The following RAD51B variants were observed in gnomAD, a reference collection of about 807,000 sequenced individuals.
The protein encoded by RAD51B is RAD51 paralog B, also known as DNA repair protein RAD51 homolog 2.
A neutral mutation model predicts 42.2 loss-of-function variants in RAD51B; 38 were observed. That is an observed-to-expected ratio of 0.90 (90% CI 0.70 to 1.18). The LOEUF is 1.18. Among genes scored for constraint, RAD51B ranks in the 50% most tolerant of loss-of-function variants. The pLI is 0.00. For missense variants in RAD51B, 373 were observed against 400.7 expected (o/e 0.93, Z 0.59); for synonymous variants, 154 against 145.2 (o/e 1.06, Z -0.43).
At chr14:68,505,060 G>A (rs896931690) in intron 10 of RAD51B, among the ~76,000 whole-genome samples, 2 of 152,180 alleles carry the variant, frequency 1.3e-5, no homozygotes, top group African/African-American at 2.4e-5. Context: ...TTGTCATTAC[G>A]TGTTTTCTTG....
At chr14:68,246,875 C>G (rs904956625) in intron 7 of RAD51B, among the ~76,000 whole-genome samples, 3 of 152,120 alleles carry the variant, frequency 2.0e-5, no homozygotes, top group African/African-American at 7.2e-5. Context: ...TTCTTGTAGC[C>G]TGTTTGTTTT....
chr14:68,636,627 A>T (rs1412258094), intron 10 of RAD51B, among the ~76,000 whole-genome samples: 12 of 151,346 alleles, frequency 7.9e-5, no homozygotes, highest in African/African-American at 2.4e-4. Flanking sequence ...ATGGCCATTC[A>T]TGTTCTGGAC....
At chr14:68,260,680 A>G (rs1344828201) in intron 7 of RAD51B, among the ~76,000 whole-genome samples, 1 of 152,088 alleles carries the variant, frequency 6.6e-6, no homozygotes, top group African/African-American at 2.4e-5. Flanking sequence ...CACCTGTCTC[A>G]TGAGGGTCTT....
chr14:67,898,390 C>T (rs888013736), intron 7 of RAD51B, among the ~76,000 whole-genome samples: 1 of 152,140 alleles, frequency 6.6e-6, no homozygotes, highest in Non-Finnish European at 1.5e-5. Flanking sequence ...TAGTCAAACT[C>T]ATAGAGCAAA....
intron 10 of RAD51B, among the ~76,000 whole-genome samples, chr14:68,573,809 G>T (rs1712123652): frequency 6.6e-6 from 1 of 152,206 alleles, no homozygotes; most frequent in African/African-American, 2.4e-5. Context: ...AAGGGGGCAG[G>T]CCTTCCATTC....
At chr14:68,040,464 G>GT (rs1283094388) in intron 7 of RAD51B, among the ~76,000 whole-genome samples, 1 of 152,186 alleles carries the variant, frequency 6.6e-6, no homozygotes, top group Non-Finnish European at 1.5e-5. Flanking sequence ...TAATAGTTAT[G>GT]TTTTTTCTAG....
chr14:68,554,393 G>T (rs1016317390), intron 10 of RAD51B, among the ~76,000 whole-genome samples: 11 of 152,182 alleles, frequency 7.2e-5, no homozygotes, highest in Non-Finnish European at 1.6e-4. Context: ...TCTCCTTGCT[G>T]TTCTCTGAAC....
At chr14:68,193,773 A>G (rs1259400232) in intron 7 of RAD51B, among the ~76,000 whole-genome samples, 1 of 152,214 alleles carries the variant, frequency 6.6e-6, no homozygotes. Flanking sequence ...TGCTGGGAAC[A>G]AGCTTTTCTG....
chr14:68,586,685 A>G lies in RAD51B; in HGVS notation c.1037-7800A>G, dbSNP rs116286248. 9.5e-3 allele frequency among the ~76,000 whole-genome samples: 1,448 copies of G among 152,272 alleles called. 24 individuals are homozygous for G. The highest frequency in any genetic ancestry group is 0.033 in the African/African-American group (1,353 of 41,548). ...CCCATTCTCAGCATGTACCCCATGG[A>G]AATCCAGTCACCCCCTTTAAAAGTT... On this transcript the variant is annotated intron_variant, in intron 10 of 10. Coordinates refer to the RAD51B transcript ENST00000487270.
intron 3 of RAD51B, among the ~76,000 whole-genome samples, chr14:67,829,272 T>G (rs969818755): frequency 2.0e-5 from 3 of 151,746 alleles, no homozygotes; most frequent in Non-Finnish European, 4.4e-5. Context: ...AGACAGAGTC[T>G]TGCTCTGTCG....
intron 4 of RAD51B, among the ~76,000 whole-genome samples, chr14:67,852,523 A>G (rs1434057747): frequency 6.6e-6 from 1 of 152,202 alleles, no homozygotes; most frequent in Admixed American, 6.5e-5. Flanking sequence ...TCTTCATGAC[A>G]CAACAGCTGA....
intron 10 of RAD51B, among the ~76,000 whole-genome samples, chr14:68,526,531 C>G (rs569393414): frequency 6.6e-6 from 1 of 152,344 alleles, no homozygotes; most frequent in East Asian, 1.9e-4. Flanking sequence ...AAATATTTTT[C>G]CCATGAACAT....
At chr14:67,825,982 G>A (rs1031148812) in intron 3 of RAD51B, among the ~76,000 whole-genome samples, 6 of 152,024 alleles carry the variant, frequency 3.9e-5, no homozygotes, top group Non-Finnish European at 7.4e-5. Context: ...TGCTTGCGTC[G>A]ACCTCCCAAA....
chr14:68,362,661 A>ACTAAC (rs1164606626), intron 8 of RAD51B, among the ~76,000 whole-genome samples: 1 of 152,114 alleles, frequency 6.6e-6, no homozygotes, highest in African/African-American at 2.4e-5. Flanking sequence ...CATCCTGGCT[A>ACTAAC]ACAGGGTGAA....
In RAD51B at chr14:67,867,889, G is replaced by C. The variant is rs2042379061; in HGVS notation, c.452+2750G>C. ...CTAGCCGGCTAACCAGCACAAATGA[G>C]AAAGTGTTTAAAGGATTAATATGAT... is the stretch of plus-strand genomic sequence containing the variant. On this transcript the variant is annotated intron_variant, in intron 5 of 10. Transcript: ENST00000471583. 2.0e-5 allele frequency among the ~76,000 whole-genome samples: 3 copies of C among 152,196 alleles called. No homozygotes were observed. The South Asian group carries it at 6.2e-4, about 32-fold the overall frequency.
In RAD51B at chr14:68,058,279, C is replaced by T. The variant is rs1042492127; in HGVS notation, c.756+171075C>T. ...TCCCTTTGCATTTTTGGTCACATAC[C>T]TTTGACCCTTTTTGGCCTTTCCAGT... On this transcript the variant is annotated intron_variant, in intron 7 of 10. Coordinates refer to ENST00000471583, the MANE Select transcript of RAD51B (RefSeq NM_133510.4). Among the ~76,000 whole-genome samples, 3 of 152,116 alleles carry T rather than the reference C, an allele frequency of 2.0e-5. No homozygotes were observed. In the South Asian group the frequency reaches 6.2e-4, roughly 31 times the overall value.
At chr14:68,307,167 C>G (rs2081883922) in intron 8 of RAD51B, among the ~76,000 whole-genome samples, 1 of 152,014 alleles carries the variant, frequency 6.6e-6, no homozygotes, top group Admixed American at 6.6e-5. Context: ...ACACAAACAC[C>G]AAGCCCCTAG....
At chr14:68,368,003 C>T (rs1033124434) in intron 8 of RAD51B, among the ~76,000 whole-genome samples, 1 of 152,202 alleles carries the variant, frequency 6.6e-6, no homozygotes, top group African/African-American at 2.4e-5. Flanking sequence ...TAATAGCTAT[C>T]TTTTTGGCCT....
chr14:68,371,075 TAA>T (rs141972827), intron 8 of RAD51B, among the ~76,000 whole-genome samples: 1 of 129,346 alleles, frequency 7.7e-6, no homozygotes, highest in South Asian at 2.5e-4. Context: ...AAAAGAAAAT[TAA>T]AAAAAAAGAA....
Sources: allele counts gnomAD v4.1 joint callset (sites outside exome capture counted in the v4.1 genomes callset), GRCh38; gene constraint gnomAD v4.1.1; transcripts MANE v1.5; gene names NCBI Gene and HGNC (gene_info 2026-07-23, HGNC 2026-07-21).